KYNU: variants seen among roughly 807,000 people sequenced by gnomAD.
KYNU encodes the protein kynureninase.
Under a neutral mutation model 59.2 loss-of-function variants are expected in KYNU, and 54 were observed. The ratio of observed to expected loss-of-function variants is 0.91; its 90% CI spans 0.73 to 1.14. The LOEUF (loss-of-function observed/expected upper bound fraction) is 1.14, where lower values mean the gene tolerates loss of function less well. KYNU is among the 50% of genes most tolerant of loss of function. KYNU has a pLI of 0.00. For missense variants in KYNU, 567 were observed against 554.4 expected (o/e 1.02, Z -0.23); for synonymous variants, 177 against 192.0 (o/e 0.92, Z 0.65).
At chr2:142,923,624 C>T (rs929370718) in intron 3 of KYNU, among the ~76,000 whole-genome samples, 1 of 152,150 alleles carries the variant, frequency 6.6e-6, no homozygotes, top group Non-Finnish European at 1.5e-5. Flanking sequence ...TGCCACAATT[C>T]AGCTAGAACA....
intron 2 of KYNU, among the ~76,000 whole-genome samples, chr2:142,912,000 G>T (rs929660708): frequency 6.6e-6 from 1 of 151,766 alleles, no homozygotes; most frequent in African/African-American, 2.4e-5. Context: ...CCGTAATTTT[G>T]TTGTTGTTGT....
chr2:143,042,353 C>T lies in KYNU; in HGVS notation c.*181C>T, dbSNP rs1687079804. 1 of 609,408 alleles carries T rather than the reference C, an allele frequency of 1.6e-6. No homozygotes were observed. Among genetic ancestry groups the T allele is most frequent in the Non-Finnish European group, 2.8e-6 (1 of 361,728 alleles). 37.8% of individuals were successfully genotyped at this position (609,408 alleles called of 1,614,324 possible). Reference sequence around the variant, plus strand: ...AGAGTCTGTGGCACTAAGGAGTCCACAGGGCTGCCTAGGTGCTTTGTGTTT... The same window carrying T: ...AGAGTCTGTGGCACTAAGGAGTCCATAGGGCTGCCTAGGTGCTTTGTGTTT... On this transcript the variant is annotated 3_prime_UTR_variant, in exon 14 of 14. Transcript: ENST00000264170.
At chr2:143,015,752 T>C (rs1479003210) in intron 10 of KYNU, among the ~76,000 whole-genome samples, 1 of 152,014 alleles carries the variant, frequency 6.6e-6, no homozygotes, top group Non-Finnish European at 1.5e-5. Flanking sequence ...ACCCAAAACA[T>C]TTCCCCTCAA....
intron 5 of KYNU, 112 bp from the exon 6 acceptor site, chr2:142,956,091 G>A (rs1421139452): frequency 9.4e-6 from 6 of 638,226 alleles, no homozygotes; most frequent in Middle Eastern, 4.2e-4. Flanking sequence ...AAGATGTTGA[G>A]TTAATTAATG....
chr2:142,904,368 G>A (rs1682211956), intron 2 of KYNU, among the ~76,000 whole-genome samples: 1 of 152,188 alleles, frequency 6.6e-6, no homozygotes, highest in African/African-American at 2.4e-5. Context: ...TCTACACTGG[G>A]AACTGCCTGC....
At position 143,049,825 on chromosome 2, in the gene KYNU, GTGAT is replaced by G. The variant is rs1687233993; in HGVS notation, c.*7658_*7661del. ...GATGCCTTGTTTCCTTTGTAGTTTT[GTGAT>G]TGATAGCTTCGAACTGCTCATTTAC... On this transcript the variant is annotated 3_prime_UTR_variant, in exon 14 of 14. Transcript: ENST00000264170. 1 of 152,018 alleles carries G rather than the reference GTGAT, an allele frequency of 6.6e-6. No individual in the cohort carries two copies. Among genetic ancestry groups the G allele is most frequent in the Non-Finnish European group, 1.5e-5 (1 of 68,020 alleles). 9.4% of individuals were successfully genotyped at this position (152,018 alleles called of 1,614,324 possible).
At chr2:143,039,385 A>C (rs901988040) in intron 12 of KYNU, among the ~76,000 whole-genome samples, 1 of 152,140 alleles carries the variant, frequency 6.6e-6, no homozygotes, top group Non-Finnish European at 1.5e-5. Flanking sequence ...AACAAACTTT[A>C]CATCAAAGTT....
intron 8 of KYNU, among the ~76,000 whole-genome samples, chr2:142,983,339 AGACTATTT>A (rs1685102978): frequency 6.6e-6 from 1 of 152,038 alleles, no homozygotes; most frequent in Admixed American, 6.6e-5. Context: ...TACTTTTCTG[AGACTATTT>A]TTATTACATG....
chr2:142,913,616 A>G (rs1682576655), intron 2 of KYNU, among the ~76,000 whole-genome samples: 2 of 152,186 alleles, frequency 1.3e-5, no homozygotes, highest in South Asian at 4.1e-4. Flanking sequence ...CTCCAAGCAT[A>G]TGGTCAATCA....
At chr2:142,895,204 G>C (rs569925345) in intron 2 of KYNU, among the ~76,000 whole-genome samples, 14 of 152,162 alleles carry the variant, frequency 9.2e-5, no homozygotes, top group Admixed American at 6.5e-4. Flanking sequence ...CACATGTATA[G>C]AATTATATTA....
intron 4 of KYNU, among the ~76,000 whole-genome samples, chr2:142,954,468 A>G (rs1298085637): frequency 6.6e-6 from 1 of 152,140 alleles, no homozygotes; most frequent in African/African-American, 2.4e-5. Context: ...CTTTGAAGAT[A>G]TACTTAGCAC....
intron 10 of KYNU, among the ~76,000 whole-genome samples, chr2:143,016,922 C>G (rs1686264389): frequency 6.6e-6 from 1 of 152,094 alleles, no homozygotes; most frequent in South Asian, 2.1e-4. Flanking sequence ...TCCGCAGTGT[C>G]TGTTGTTACC....
chr2:142,900,969 AG>A (rs1682060630), intron 2 of KYNU, among the ~76,000 whole-genome samples: 1 of 151,606 alleles, frequency 6.6e-6, no homozygotes, highest in South Asian at 2.1e-4. Flanking sequence ...TTAAAGATAC[AG>A]GGATTGCAGC....
intron 8 of KYNU, among the ~76,000 whole-genome samples, chr2:142,973,705 G>A (rs900708778): frequency 6.6e-6 from 1 of 152,112 alleles, no homozygotes; most frequent in South Asian, 2.1e-4. Context: ...CAGCTGAGGT[G>A]TACATTACAC....
chr2:142,910,781 T>C (rs1682455939), intron 2 of KYNU, among the ~76,000 whole-genome samples: 1 of 152,222 alleles, frequency 6.6e-6, no homozygotes, highest in South Asian at 2.1e-4. Context: ...GTTCCATTCT[T>C]CTGCATATTT....
intron 10 of KYNU, among the ~76,000 whole-genome samples, chr2:143,026,749 CG>C (rs1686582043): frequency 7.9e-6 from 1 of 127,322 alleles, no homozygotes; most frequent in Non-Finnish European, 1.8e-5. Context: ...GTCCGCAGTC[CG>C]CAGTCCGCAG....
At chr2:143,027,142 C>G (rs924729504) in intron 10 of KYNU, among the ~76,000 whole-genome samples, 1 of 152,134 alleles carries the variant, frequency 6.6e-6, no homozygotes, top group Non-Finnish European at 1.5e-5. Flanking sequence ...GCCTGCTGTT[C>G]CCTATCACTA....
At chr2:142,918,505 T>C in intron 2 of KYNU, 104 bp from the exon 3 acceptor site, 1 of 1,239,914 alleles carries the variant, frequency 8.1e-7, no homozygotes, top group Admixed American at 3.0e-5. Flanking sequence ...TTACTTTTTA[T>C]CCTTCTTAGA....
At chr2:142,903,036 A>G (rs1006187197) in intron 2 of KYNU, among the ~76,000 whole-genome samples, 1 of 152,176 alleles carries the variant, frequency 6.6e-6, no homozygotes, top group Non-Finnish European at 1.5e-5. Context: ...ACAGCTGGGT[A>G]TAGAGGAACA....
Sources: gnomAD v4.1 joint callset for allele counts (sites outside exome capture counted in the v4.1 genomes callset) on GRCh38, gnomAD v4.1.1 for gene constraint, MANE v1.5 for transcripts, NCBI Gene and HGNC (gene_info 2026-07-23, HGNC 2026-07-21) for gene names.